AOPEP: variants seen among roughly 807,000 people sequenced by gnomAD.
AOPEP encodes the protein aminopeptidase O (putative), also known as aminopeptidase O.
Under a neutral mutation model 98.1 loss-of-function variants are expected in AOPEP, and 77 were observed. The ratio of observed to expected loss-of-function variants is 0.78; its 90% CI spans 0.65 to 0.95. The LOEUF (loss-of-function observed/expected upper bound fraction) is 0.95, where lower values mean the gene tolerates loss of function less well. Among genes scored for constraint, AOPEP ranks in the 40% least tolerant of loss-of-function variants. AOPEP has a pLI of 0.00. For synonymous variants in AOPEP, 346 were observed against 365.3 expected, an observed-to-expected ratio of 0.95 and a Z score of 0.60; for missense variants, 1,024 against 1,024.7, an observed-to-expected ratio of 1.00 and a Z score of 0.01.
At chr9:94,755,477 A>G (rs915081094) in intron 1 of AOPEP, among the ~76,000 whole-genome samples, 4 of 152,224 alleles carry the variant, frequency 2.6e-5, no homozygotes, top group Non-Finnish European at 5.9e-5. Flanking sequence ...ACATAGACAA[A>G]TAAGCAACAA....
intron 13 of AOPEP, among the ~76,000 whole-genome samples, chr9:95,041,502 A>G (rs1218198728): frequency 6.9e-6 from 1 of 145,498 alleles, no homozygotes; most frequent in East Asian, 2.2e-4. Flanking sequence ...GACACTAAAA[A>G]AGTACAATAA....
rs16911679 is a variant in AOPEP, at chr9:94,760,318, G to A, written c.535G>A (p.Val179Ile). The change falls in exon 2 of 17, where the codon GTT (valine) becomes ATT (isoleucine). Residue 179 changes from valine to isoleucine, a missense_variant. Val to Ile is a conservative substitution (Grantham distance 29). Around this residue, in one of 3 missense-constraint regions of AOPEP, gnomAD observed 440 missense variants for 433.8 expected, o/e 1.01. Transcript: ENST00000375315. ...KFTRSPELTV[V>I]SEEFRNQIVR... ...TACAAGGTCTCCTGAGCTCACGGTT[G>A]TTTCTGAGGAGTTCAGGAATCAGAT... The A allele has an allele frequency of 7.1e-3, 11,455 of 1,614,126 alleles. 647 individuals are homozygous for A. In the African/African-American group the frequency reaches 0.13, roughly 18 times the overall value.
At chr9:94,931,977 G>A (rs1285435274) in intron 7 of AOPEP, 2 of 1,160,088 alleles carry the variant, frequency 1.7e-6, no homozygotes, top group African/African-American at 3.2e-5. Flanking sequence ...TCCTCTAGCT[G>A]ATAAAGAACC....
intron 13 of AOPEP, chr9:95,020,054 CAA>C (rs1382019818): frequency 6.6e-6 from 1 of 152,220 alleles, no homozygotes; most frequent in African/African-American, 2.4e-5. Context: ...AAAGACCTCA[CAA>C]GCTTCTCTAA....
chr9:95,042,339 A>C (rs1039159015), intron 13 of AOPEP, among the ~76,000 whole-genome samples: 12 of 151,092 alleles, frequency 7.9e-5, no homozygotes, highest in South Asian at 6.3e-4. Context: ...TAAATAAATA[A>C]ATACATAAAT....
At chr9:94,750,756 CTTT>C (rs536762614) in intron 1 of AOPEP, among the ~76,000 whole-genome samples, 5 of 130,904 alleles carry the variant, frequency 3.8e-5, no homozygotes, top group Admixed American at 8.2e-5. Context: ...TCTTTTCTTT[CTTT>C]TTTTTTTTTT....
At chr9:95,082,478 C>A in intron 15 of AOPEP, 97 bp from the exon 16 acceptor site, 1 of 1,366,020 alleles carries the variant, frequency 7.3e-7, no homozygotes, top group Non-Finnish European at 9.9e-7. Flanking sequence ...TCTAGACCAG[C>A]AAGTGTGTGT....
chr9:94,890,098 G>A (rs2048708536), intron 5 of AOPEP, among the ~76,000 whole-genome samples: 1 of 151,474 alleles, frequency 6.6e-6, no homozygotes, highest in African/African-American at 2.4e-5. Context: ...GATGGTCTTG[G>A]CTCACTGCAA....
At chr9:95,085,548 G>A (rs916841612) in intron 16 of AOPEP, 2 of 499,246 alleles carry the variant, frequency 4.0e-6, no homozygotes, top group Admixed American at 4.3e-5. Flanking sequence ...GGTGAGATGG[G>A]GACAGTTAAG....
the AOPEP span, chr9:95,100,815 G>GAGAT: frequency 8.8e-6 from 2 of 226,908 alleles, no homozygotes; most frequent in Non-Finnish European, 8.8e-6. Context: ...ATTTTTAGTA[G>GAGAT]AGATAGGGTA....
chr9:94,948,577 A>G (rs923381290), intron 7 of AOPEP, among the ~76,000 whole-genome samples: 6 of 151,824 alleles, frequency 4.0e-5, no homozygotes, highest in Non-Finnish European at 2.9e-5. Flanking sequence ...GTGTGAATTG[A>G]TCCTCCCCGC....
At chr9:94,944,557 A>AT (rs2057405434) in intron 7 of AOPEP, among the ~76,000 whole-genome samples, 1 of 152,146 alleles carries the variant, frequency 6.6e-6, no homozygotes. Context: ...CAAAAAGTAG[A>AT]TTTTTTATTT....
chr9:95,006,972 G>T (rs1285163400), intron 13 of AOPEP, among the ~76,000 whole-genome samples: 5 of 150,220 alleles, frequency 3.3e-5, no homozygotes, highest in African/African-American at 1.2e-4. Context: ...CGTGATCTCG[G>T]CTCATTGAAG....
chr9:94,880,167 T>C (rs2047399487), intron 5 of AOPEP, among the ~76,000 whole-genome samples: 1 of 152,196 alleles, frequency 6.6e-6, no homozygotes, highest in South Asian at 2.1e-4. Flanking sequence ...TCCTTTGATA[T>C]TCAGATTCAG....
chr9:95,005,326 C>A, intron 12 of AOPEP, 106 bp downstream of exon 12: 2 of 717,170 alleles, frequency 2.8e-6, no homozygotes, highest in Non-Finnish European at 3.8e-6. Context: ...CGGGGACTAC[C>A]CGCCAGGCTC....
intron 11 of AOPEP, among the ~76,000 whole-genome samples, chr9:94,992,131 G>A (rs2060928062): frequency 6.6e-6 from 1 of 152,220 alleles, no homozygotes; most frequent in South Asian, 2.1e-4. Flanking sequence ...AAGACTGTCA[G>A]AGAGCACAAA....
chr9:95,079,133 G>A (rs2069424131), intron 14 of AOPEP, among the ~76,000 whole-genome samples: 1 of 152,214 alleles, frequency 6.6e-6, no homozygotes, highest in Admixed American at 6.5e-5. Flanking sequence ...CGAGCCCAGG[G>A]CCGCCCAGTG....
At chr9:95,085,993 C>T (rs1384050265) in intron 16 of AOPEP, 8 of 1,363,658 alleles carry the variant, frequency 5.9e-6, no homozygotes, top group Non-Finnish European at 3.9e-6. Context: ...TGAGGCGCTG[C>T]TTCTCCGGGC....
At chr9:95,133,593 G>A in the AOPEP span, among the ~76,000 whole-genome samples, 2 of 152,162 alleles carry the variant, frequency 1.3e-5, no homozygotes. Flanking sequence ...GAGGGCCACA[G>A]GCAAAAAGGA....
Sources: allele counts gnomAD v4.1 joint callset (sites outside exome capture counted in the v4.1 genomes callset), GRCh38; gene constraint gnomAD v4.1.1; regional missense constraint gnomAD v4.1.1; transcripts MANE v1.5; gene names NCBI Gene and HGNC (gene_info 2026-07-23, HGNC 2026-07-21).